The following PYGL variants were observed in gnomAD, a reference collection of about 807,000 sequenced individuals.
PYGL encodes glycogen phosphorylase L.
PYGL carries 90 observed loss-of-function variants against 100.1 expected under a neutral mutation model. That is an observed-to-expected ratio of 0.90 (90% CI 0.76 to 1.07). The LOEUF (loss-of-function observed/expected upper bound fraction) is 1.07, where lower values mean the gene tolerates loss of function less well. Among genes scored for constraint, PYGL ranks in the 50% least tolerant of loss-of-function variants. PYGL has a pLI of 0.00. For synonymous variants in PYGL, 373 were observed against 393.0 expected (o/e 0.95, Z 0.60); for missense variants, 1,016 against 1,057.6 (o/e 0.96, Z 0.55).
chr14:50,912,321 G>T lies in PYGL; in HGVS notation c.1621-18C>A, dbSNP rs758241117. On this transcript the variant is annotated intron_variant, in intron 13 of 19. Transcript: ENST00000216392. ...TTATTCTCCTGTTAAGACAGTGCAT[G>T]GTGCCAGAGCTCTTTTGGCCTAGAA... 1 of 1,612,930 alleles carries T rather than the reference G, an allele frequency of 6.2e-7. No individual in the cohort carries two copies. Among genetic ancestry groups the T allele is most frequent in the Admixed American group, 1.7e-5 (1 of 60,028 alleles).
chr14:50,937,682 A>C (rs534038534), intron 2 of PYGL, 54 bp downstream of exon 2: 16 of 1,476,694 alleles, frequency 1.1e-5, no homozygotes, highest in East Asian at 6.8e-5. Flanking sequence ...AAGTTTCCTG[A>C]AGTGCACATG....
chr14:50,927,415 G>A (rs2050560834), intron 4 of PYGL, among the ~76,000 whole-genome samples: 2 of 151,990 alleles, frequency 1.3e-5, no homozygotes, highest in Non-Finnish European at 2.9e-5. Context: ...AGTAGAGACG[G>A]GGTTTCACCA....
intron 16 of PYGL, among the ~76,000 whole-genome samples, chr14:50,910,833 C>A (rs2142789808): frequency 6.6e-6 from 1 of 152,270 alleles, no homozygotes; most frequent in South Asian, 2.1e-4. Context: ...GTGCCTGGGG[C>A]TAGACATCTA....
chr14:50,915,755 C>T (rs1300598641), intron 10 of PYGL, 70 bp downstream of exon 10: 2 of 1,557,442 alleles, frequency 1.3e-6, no homozygotes, highest in African/African-American at 1.4e-5. Flanking sequence ...TAAGAGGGAA[C>T]ACTGTAGCCA....
chr14:50,917,098 T>C lies in PYGL; in HGVS notation c.863A>G (p.Glu288Gly), dbSNP rs2050460457. The change falls in exon 8 of 20, where the codon GAA becomes GGA. Residue 288 changes from glutamate to glycine, a missense_variant. Physicochemically the swap from Glu to Gly is moderately conservative, Grantham distance 98 (BLOSUM62 -2). Transcript: ENST00000216392. ...CTGCTTCAATCTTAGCTCCTTCCCT[T>C]CAAAAAACTTCAAGCCAGAGAGATA... ...RVLYPNDNFFEGKELRLKQEY... is the reference protein window; with the variant it reads ...RVLYPNDNFFGGKELRLKQEY... 6.2e-7 allele frequency: 1 copy of C among 1,613,676 alleles called. No homozygotes were observed. The highest frequency in any genetic ancestry group is 1.3e-5 in the African/African-American group (1 of 74,922).
At chr14:50,918,638 G>C (rs1230542044) in intron 7 of PYGL, among the ~76,000 whole-genome samples, 1 of 152,168 alleles carries the variant, frequency 6.6e-6, no homozygotes, top group African/African-American at 2.4e-5. Context: ...GGATGCAAAG[G>C]CATGAGAATG....
chr14:50,906,726 G>T (rs144581775), intron 19 of PYGL, among the ~76,000 whole-genome samples: 1 of 152,200 alleles, frequency 6.6e-6, no homozygotes, highest in Non-Finnish European at 1.5e-5. Flanking sequence ...CTTGCGGCCT[G>T]TATATGGCTT....
At chr14:50,932,089 C>T (rs1283730562) in intron 3 of PYGL, among the ~76,000 whole-genome samples, 4 of 152,176 alleles carry the variant, frequency 2.6e-5, no homozygotes, top group Admixed American at 2.0e-4. Flanking sequence ...AGCCAACCTG[C>T]ACCAGATAAT....
chr14:50,911,315 C>T (rs193047545), intron 16 of PYGL, among the ~76,000 whole-genome samples: 4 of 152,202 alleles, frequency 2.6e-5, no homozygotes, highest in Admixed American at 6.5e-5. Context: ...ATTATTGATA[C>T]AAGAGCAAGT....
intron 4 of PYGL, among the ~76,000 whole-genome samples, chr14:50,930,447 C>A (rs1295318160): frequency 6.6e-6 from 1 of 152,156 alleles, no homozygotes; most frequent in Non-Finnish European, 1.5e-5. Context: ...CAAGATGCTG[C>A]CTCTCAGCTT....
At chr14:50,914,947 G>T in intron 11 of PYGL, 132 bp from the exon 12 acceptor site, 1 of 735,812 alleles carries the variant, frequency 1.4e-6, no homozygotes, top group Non-Finnish European at 2.4e-6. Context: ...TGGAGGGACA[G>T]GCTGACAGTA....
At chr14:50,943,614 G>C (rs2050719775) in intron 1 of PYGL, among the ~76,000 whole-genome samples, 2 of 152,250 alleles carry the variant, frequency 1.3e-5, no homozygotes, top group Admixed American at 1.3e-4. Flanking sequence ...CGCTTGGAGC[G>C]GGACCCTGCC....
chr14:50,927,975 G>A (rs1481208484), intron 4 of PYGL, among the ~76,000 whole-genome samples: 1 of 152,080 alleles, frequency 6.6e-6, no homozygotes, highest in Admixed American at 6.6e-5. Flanking sequence ...AGGGGTAGGG[G>A]TGGGGGGCCA....
At chr14:50,936,757 C>T (rs993472701) in intron 2 of PYGL, among the ~76,000 whole-genome samples, 1 of 151,442 alleles carries the variant, frequency 6.6e-6, no homozygotes, top group African/African-American at 2.4e-5. Context: ...TGCCACTGCA[C>T]TCCAGCCTGC....
Position 50,935,132 on chromosome 14 carries a change from G to T in PYGL, c.399C>A (p.Gly133=). Residue 133 remains glycine, a synonymous_variant, in exon 3 of 20, where the codon GGC becomes GGA. Transcript: ENST00000216392. ...CAGCAAGTCTCCCAAGACCACCATT[G>T]CCAAGTCCAGCATCTTCTTCAATTT... ...LEEIEEDAGL[G]NGGLGRLAAC... 3.1e-6 allele frequency: 5 copies of T among 1,612,614 alleles called. No homozygotes were observed. Among genetic ancestry groups the T allele is most frequent in the African/African-American group, 1.3e-5 (1 of 74,994 alleles).
intron 4 of PYGL, among the ~76,000 whole-genome samples, chr14:50,929,152 G>A (rs1301902245): frequency 6.6e-6 from 1 of 152,142 alleles, no homozygotes; most frequent in Non-Finnish European, 1.5e-5. Flanking sequence ...CCAGGCTTAA[G>A]TGATTCTCCT....
intron 12 of PYGL, 30 bp downstream of exon 12, chr14:50,914,671 C>T: frequency 6.4e-7 from 1 of 1,551,334 alleles, no homozygotes; most frequent in Non-Finnish European, 8.9e-7. Flanking sequence ...TCGAGTCAGG[C>T]CTCCTTTCCT....
At chr14:50,916,490 G>A in intron 9 of PYGL, 152 bp downstream of exon 9, 1 of 734,740 alleles carries the variant, frequency 1.4e-6, no homozygotes. Flanking sequence ...CTCTAAGGAT[G>A]GAAAATGTCA....
At chr14:50,943,640 A>G (rs1017897803) in intron 1 of PYGL, among the ~76,000 whole-genome samples, 1 of 152,110 alleles carries the variant, frequency 6.6e-6, no homozygotes, top group Non-Finnish European at 1.5e-5. Context: ...TCTGCACCAC[A>G]CTTAGCCACT....
Sources: gnomAD v4.1 joint callset for allele counts (sites outside exome capture counted in the v4.1 genomes callset) on GRCh38, gnomAD v4.1.1 for gene constraint, MANE v1.5 for transcripts, NCBI Gene and HGNC (gene_info 2026-07-23, HGNC 2026-07-21) for gene names.